EEA1: variants seen among roughly 807,000 people sequenced by gnomAD.
EEA1 encodes the protein early endosome antigen 1, also known as early endosome antigen 1, 162kD.
EEA1 carries 111 observed loss-of-function variants against 209.2 expected under a neutral mutation model. That is an observed-to-expected ratio of 0.53 (90% CI 0.45 to 0.62). EEA1 has a LOEUF of 0.62. Among genes scored for constraint, EEA1 ranks in the 20% least tolerant of loss-of-function variants. The probability of loss-of-function intolerance (pLI) is 0.00; values close to 1 mark genes in which losing one functional copy is unlikely to be tolerated. For synonymous variants in EEA1, 536 were observed against 540.6 expected (o/e 0.99, Z 0.12); for missense variants, 1,343 against 1,530.8 (o/e 0.88, Z 2.05).
chr12:92,839,633 A>G (rs1877081021), intron 10 of EEA1, among the ~76,000 whole-genome samples: 1 of 152,228 alleles, frequency 6.6e-6, no homozygotes, highest in Admixed American at 6.5e-5. Flanking sequence ...GTTTTAGAAA[A>G]TGGTCATTTT....
At chr12:92,837,967 G>C (rs1363627944) in intron 10 of EEA1, among the ~76,000 whole-genome samples, 1 of 152,170 alleles carries the variant, frequency 6.6e-6, no homozygotes, top group African/African-American at 2.4e-5. Context: ...GAAGTAGATA[G>C]TGAGGATAAT....
chr12:92,776,435 C>T (rs1383189555), intron 28 of EEA1, among the ~76,000 whole-genome samples: 2 of 151,824 alleles, frequency 1.3e-5, no homozygotes, highest in African/African-American at 4.8e-5. Context: ...AAAAACTATT[C>T]CTATTTGCCA....
At position 92,775,991 on chromosome 12, in the gene EEA1, T is replaced by G. The variant is rs775025745; in HGVS notation, c.*20A>C. The G allele has an allele frequency of 6.2e-7, 1 of 1,606,988 alleles. No homozygotes were observed. Among genetic ancestry groups the G allele is most frequent in the South Asian group, 1.1e-5 (1 of 89,882 alleles). On this transcript the variant is annotated 3_prime_UTR_variant, in exon 29 of 29. Coordinates refer to ENST00000322349, the MANE Select transcript of EEA1 (RefSeq NM_003566.4). Reference sequence around the variant, plus strand: ...AAATCTAATGTTAGTGTAATATTACTCTGAAGTTGTGATAACCCATTATCC... The same window carrying G: ...AAATCTAATGTTAGTGTAATATTACGCTGAAGTTGTGATAACCCATTATCC...
At chr12:92,791,140 G>A (rs1051792412) in intron 21 of EEA1, among the ~76,000 whole-genome samples, 1 of 152,152 alleles carries the variant, frequency 6.6e-6, no homozygotes, top group African/African-American at 2.4e-5. Flanking sequence ...ACATGGAAAG[G>A]TACAACCGGT....
intron 15 of EEA1, among the ~76,000 whole-genome samples, chr12:92,813,746 G>A (rs1875646097): frequency 6.6e-6 from 1 of 152,178 alleles, no homozygotes; most frequent in Admixed American, 6.5e-5. Context: ...CAAGTGCGGT[G>A]GCTCACACCT....
intron 3 of EEA1, among the ~76,000 whole-genome samples, chr12:92,857,818 T>C (rs1270603000): frequency 6.6e-6 from 1 of 152,170 alleles, no homozygotes; most frequent in Non-Finnish European, 1.5e-5. Flanking sequence ...TAGCATAAAA[T>C]CTAAACTCAT....
intron 28 of EEA1, 97 bp from the exon 29 acceptor site, chr12:92,776,230 A>C (rs1873653789): frequency 8.5e-7 from 1 of 1,174,564 alleles, no homozygotes; most frequent in Admixed American, 2.8e-5. Context: ...ATGAAGGTAC[A>C]TTAGCTTTCA....
Position 92,894,167 on chromosome 12 carries a change from C to A in EEA1, c.25-2446G>T, listed in dbSNP as rs1349753523. Among the ~76,000 whole-genome samples the A allele has an allele frequency of 2.0e-5, 3 of 152,264 alleles. No individual in the cohort carries two copies. In the South Asian group the frequency reaches 6.2e-4, roughly 32 times the overall value. ...TTGTTTTGAGGCACTACAACCCATACCCATATAAGATGGCCAACTTAATTG... is the reference window on the plus strand; with the variant it reads ...TTGTTTTGAGGCACTACAACCCATAACCATATAAGATGGCCAACTTAATTG... On this transcript the variant is annotated intron_variant, in intron 1 of 28. Coordinates refer to ENST00000322349, the MANE Select transcript of EEA1 (RefSeq NM_003566.4).
At position 92,776,945 on chromosome 12, in the gene EEA1, G is replaced by GT. The variant is rs1565803355; in HGVS notation, c.4015-4dup. ...TTCAACGCTTGTGTATGTTTGATCTGTTTTTTAAAGAAGTATCGATATATT... is the reference window on the plus strand; with the variant it reads ...TTCAACGCTTGTGTATGTTTGATCTGTTTTTTTAAAGAAGTATCGATATATT... On this transcript the variant is annotated splice_region_variant and splice_polypyrimidine_tract_variant and intron_variant, in intron 27 of 28. Transcript: ENST00000322349. 15 of 1,610,224 alleles carry GT rather than the reference G, an allele frequency of 9.3e-6. No individual in the cohort carries two copies. Among genetic ancestry groups the GT allele is most frequent in the Non-Finnish European group, 1.3e-5 (15 of 1,177,410 alleles).
At chr12:92,865,060 A>G (rs566776253) in intron 2 of EEA1, 73 bp from the exon 3 acceptor site, 92 of 1,208,210 alleles carry the variant, frequency 7.6e-5, no homozygotes, top group Non-Finnish European at 9.6e-5. Flanking sequence ...ATATTATTAA[A>G]TATCACCAAA....
Position 92,809,102 on chromosome 12 carries a change from C to A in EEA1, c.2254G>T (p.Asp752Tyr). 1 of 1,605,662 alleles carries A rather than the reference C, an allele frequency of 6.2e-7. No individual in the cohort carries two copies. The highest frequency in any genetic ancestry group is 8.5e-7 in the Non-Finnish European group (1 of 1,175,458). Reference protein sequence around the residue: ...VKASKEQALQDLQQQRQLNTD... With the variant: ...VKASKEQALQYLQQQRQLNTD... The stretch of plus-strand genomic sequence containing the variant: ...TTCAGCTGTCTTTGCTGTTGTAGAT[C>A]TTGCAAAGCCTGCTCCTTGCTTGCT... Residue 752 changes from aspartate (D) to tyrosine (Y), a missense_variant, in exon 18 of 29, where the codon GAT (aspartate) becomes TAT (tyrosine). Coordinates refer to ENST00000322349, the MANE Select transcript of EEA1 (RefSeq NM_003566.4).
chr12:92,816,369 T>C lies in EEA1; in HGVS notation c.1760A>G (p.Gln587Arg), dbSNP rs1437582114. Residue 587 changes from glutamine to arginine, a missense_variant, in exon 15 of 29, where the codon CAG becomes CGG. Transcript: ENST00000322349. Reference protein sequence around the residue: ...VTQLTEKLKNQSESHKQAQEN... With the variant: ...VTQLTEKLKNRSESHKQAQEN... ...CTGGGCTTGTTTATGACTTTCTGAC[T>C]GATTCTTCAGCTTCTCTGTTAGTTG... 6.2e-7 allele frequency: 1 copy of C among 1,613,930 alleles called. No homozygotes were observed.
At chr12:92,886,998 C>CAAAAACA (rs34619189) in intron 2 of EEA1, among the ~76,000 whole-genome samples, 95 of 150,010 alleles carry the variant, frequency 6.3e-4, no homozygotes, top group Admixed American at 3.2e-3. Context: ...GACTCCATCT[C>CAAAAACA]AACAAACAAA....
intron 14 of EEA1, among the ~76,000 whole-genome samples, chr12:92,816,993 TGCTTTTGAGTTCACCAA>T (rs1431569450): frequency 6.6e-6 from 1 of 151,396 alleles, no homozygotes; most frequent in Non-Finnish European, 1.5e-5. Flanking sequence ...TGATGTACCT[TGCTTTTGAGTTCACCAA>T]GCTTTTTGAC....
At chr12:92,867,233 C>G (rs940622932) in intron 2 of EEA1, among the ~76,000 whole-genome samples, 1 of 152,144 alleles carries the variant, frequency 6.6e-6, no homozygotes, top group African/African-American at 2.4e-5. Context: ...TCCCTGAGCA[C>G]GCCATCATAC....
At chr12:92,914,061 T>A (rs1201730241) in intron 1 of EEA1, among the ~76,000 whole-genome samples, 2 of 152,216 alleles carry the variant, frequency 1.3e-5, no homozygotes, top group African/African-American at 4.8e-5. Flanking sequence ...GCTAATTTTC[T>A]ATTTATTGAA....
At chr12:92,788,130 A>G in intron 21 of EEA1, 81 bp from the exon 22 acceptor site, 1 of 1,233,624 alleles carries the variant, frequency 8.1e-7, no homozygotes, top group Non-Finnish European at 1.1e-6. Context: ...AGACAACTAG[A>G]AGAAAATTCC....
At chr12:92,819,115 A>T (rs1243156037) in intron 14 of EEA1, among the ~76,000 whole-genome samples, 193 bp downstream of exon 14, 3 of 152,192 alleles carry the variant, frequency 2.0e-5, no homozygotes, top group Non-Finnish European at 4.4e-5. Context: ...CCTTTGTCAA[A>T]TCATGTTAAC....
chr12:92,809,572 G>A (rs1875392176), intron 17 of EEA1, among the ~76,000 whole-genome samples: 1 of 148,358 alleles, frequency 6.7e-6, no homozygotes, highest in Non-Finnish European at 1.5e-5. Context: ...GCCGGTGCCT[G>A]AAGTCCCAGC....
Sources: gnomAD v4.1 joint callset for allele counts (sites outside exome capture counted in the v4.1 genomes callset) on GRCh38, gnomAD v4.1.1 for gene constraint, MANE v1.5 for transcripts, NCBI Gene and HGNC (gene_info 2026-07-23, HGNC 2026-07-21) for gene names.